LIMCH1: variants seen among roughly 807,000 people sequenced by gnomAD.
The protein encoded by LIMCH1 is LIM and calponin homology domains-containing protein 1.
In LIMCH1, 113 loss-of-function variants were observed where a neutral mutation model predicts 176.5. The ratio of observed to expected loss-of-function variants is 0.64; its 90% CI spans 0.55 to 0.75. The LOEUF is 0.75. Among genes scored for constraint, LIMCH1 ranks in the 30% least tolerant of loss-of-function variants. The pLI, the probability that LIMCH1 is intolerant of heterozygous loss-of-function variation, is 0.00. For synonymous variants in LIMCH1, 619 were observed against 645.9 expected (o/e 0.96, Z 0.63); for missense variants, 1,674 against 1,814.9 (o/e 0.92, Z 1.41).
intron 1 of LIMCH1, among the ~76,000 whole-genome samples, chr4:41,361,281 C>T (rs771257744): frequency 3.3e-5 from 5 of 152,264 alleles, no homozygotes; most frequent in Non-Finnish European, 7.3e-5. Context: ...GCTAGCAAAG[C>T]GTTGCAAAGG....
chr4:41,687,566 G>A (rs76864325), intron 28 of LIMCH1, among the ~76,000 whole-genome samples: 5,350 of 151,884 alleles, frequency 0.035, 205 homozygotes, highest in East Asian at 0.098. Context: ...TAAAAATAAA[G>A]ATTATAAAAA....
At chr4:41,401,586 G>T (rs534976686) in intron 1 of LIMCH1, among the ~76,000 whole-genome samples, 1 of 152,072 alleles carries the variant, frequency 6.6e-6, no homozygotes. Context: ...TTGGTAGCTT[G>T]ATGGGGATGG....
chr4:41,516,078 T>C (rs956547523), intron 2 of LIMCH1, among the ~76,000 whole-genome samples: 17 of 152,252 alleles, frequency 1.1e-4, no homozygotes, highest in African/African-American at 4.1e-4. Flanking sequence ...TTATACTAAG[T>C]TCTTTTCGTG....
At chr4:41,509,071 A>G (rs2074518483) in intron 2 of LIMCH1, among the ~76,000 whole-genome samples, 1 of 152,120 alleles carries the variant, frequency 6.6e-6, no homozygotes, top group Non-Finnish European at 1.5e-5. Flanking sequence ...ACAACCTGTC[A>G]TTCAAACTGA....
intron 1 of LIMCH1, among the ~76,000 whole-genome samples, chr4:41,412,854 C>T (rs957175474): frequency 6.6e-6 from 1 of 152,134 alleles, no homozygotes; most frequent in African/African-American, 2.4e-5. Context: ...AGATGTTCAT[C>T]TAGGGGACTA....
intron 1 of LIMCH1, among the ~76,000 whole-genome samples, chr4:41,587,918 A>T (rs1429898977): frequency 6.6e-6 from 1 of 152,096 alleles, no homozygotes; most frequent in Non-Finnish European, 1.5e-5. Context: ...ATCAAACTTT[A>T]TATTCTTTTT....
intron 4 of LIMCH1, chr4:41,612,871 A>G: frequency 8.5e-7 from 1 of 1,183,244 alleles, no homozygotes; most frequent in South Asian, 2.4e-5. Flanking sequence ...TTTTTTTTTT[A>G]ACTTTTGCCT....
At chr4:41,555,663 G>A (rs910500854) in intron 1 of LIMCH1, among the ~76,000 whole-genome samples, 1 of 152,108 alleles carries the variant, frequency 6.6e-6, no homozygotes, top group Non-Finnish European at 1.5e-5. Context: ...AAACAAACAA[G>A]AATTTTTTTT....
chr4:41,441,337 T>C (rs545656330), intron 1 of LIMCH1, among the ~76,000 whole-genome samples: 296 of 152,350 alleles, frequency 1.9e-3, no homozygotes, highest in Middle Eastern at 6.8e-3. Flanking sequence ...TTAAAATTAT[T>C]GCTATTTGTC....
chr4:41,675,714 C>G (rs1006594851), intron 22 of LIMCH1, among the ~76,000 whole-genome samples: 1 of 146,800 alleles, frequency 6.8e-6, no homozygotes, highest in Admixed American at 6.8e-5. Flanking sequence ...GCACCTGCTT[C>G]GGTTCATGGA....
chr4:41,551,627 T>A (rs967599948), intron 1 of LIMCH1, among the ~76,000 whole-genome samples: 4 of 152,176 alleles, frequency 2.6e-5, no homozygotes, highest in African/African-American at 9.7e-5. Context: ...GCCTGTGGGA[T>A]AAGAATAGTT....
chr4:41,521,883 G>A (rs2076156407), intron 2 of LIMCH1, among the ~76,000 whole-genome samples: 1 of 152,000 alleles, frequency 6.6e-6, no homozygotes, highest in African/African-American at 2.4e-5. Context: ...CCATATAAGT[G>A]TAATTTTTAC....
At chr4:41,485,447 T>G (rs979368793) in intron 1 of LIMCH1, among the ~76,000 whole-genome samples, 3 of 152,228 alleles carry the variant, frequency 2.0e-5, no homozygotes, top group Admixed American at 6.5e-5. Context: ...GTTAGTGAAT[T>G]AATCCTAAAG....
intron 14 of LIMCH1, among the ~76,000 whole-genome samples, chr4:41,642,950 T>C (rs2093896587): frequency 6.6e-6 from 1 of 152,202 alleles, no homozygotes; most frequent in Admixed American, 6.5e-5. Context: ...GGCAGCATTA[T>C]GCAATGGCTT....
At chr4:41,604,294 A>G (rs1210823927) in intron 3 of LIMCH1, 10 of 807,528 alleles carry the variant, frequency 1.2e-5, no homozygotes, top group Middle Eastern at 6.4e-4. Flanking sequence ...CACAATATGA[A>G]TAGTGTTGAC....
intron 4 of LIMCH1, among the ~76,000 whole-genome samples, chr4:41,610,988 G>A (rs985995693): frequency 1.3e-5 from 2 of 152,182 alleles, no homozygotes; most frequent in Non-Finnish European, 2.9e-5. Flanking sequence ...AGTGCTCACT[G>A]GAACATTTTG....
chr4:41,676,273 CTG>C (rs927300729), intron 22 of LIMCH1, 107 bp from the exon 23 acceptor site: 3 of 728,698 alleles, frequency 4.1e-6, no homozygotes, highest in Admixed American at 2.7e-5. Context: ...CCTTCTGCTC[CTG>C]TGTGTCAATC....
intron 18 of LIMCH1, among the ~76,000 whole-genome samples, chr4:41,657,372 G>C (rs1162978560): frequency 6.6e-6 from 1 of 152,124 alleles, no homozygotes; most frequent in Non-Finnish European, 1.5e-5. Flanking sequence ...CATTTCCTTC[G>C]AAGTAATGAT....
At chr4:41,372,519 A>G (rs1406142339) in intron 1 of LIMCH1, among the ~76,000 whole-genome samples, 1 of 152,238 alleles carries the variant, frequency 6.6e-6, no homozygotes, top group Admixed American at 6.5e-5. Context: ...TCTCTCACAC[A>G]CTTACCCACA....
Sources: allele counts gnomAD v4.1 joint callset (sites outside exome capture counted in the v4.1 genomes callset), GRCh38; gene constraint gnomAD v4.1.1; transcripts MANE v1.5; gene names NCBI Gene and HGNC (gene_info 2026-07-23, HGNC 2026-07-21).